The following PTPRN2 variants were observed in gnomAD, a reference collection of about 807,000 sequenced individuals.
PTPRN2 encodes protein tyrosine phosphatase receptor type N2.
Under a neutral mutation model 118.8 loss-of-function variants are expected in PTPRN2, and 74 were observed. The ratio of observed to expected loss-of-function variants is 0.62; its 90% confidence interval spans 0.52 to 0.76. The LOEUF (loss-of-function observed/expected upper bound fraction) is 0.76, where lower values mean the gene tolerates loss of function less well. Ranked by LOEUF, PTPRN2 falls within the 30% of genes least tolerant of loss-of-function variation. The pLI, the probability that PTPRN2 is intolerant of heterozygous loss-of-function variation, is 0.00. For missense variants in PTPRN2, 1,481 were observed against 1,394.4 expected (o/e 1.06, Z -0.99); for synonymous variants, 641 against 608.0 (o/e 1.05, Z -0.80).
intron 11 of PTPRN2, among the ~76,000 whole-genome samples, chr7:158,051,479 A>C (rs976021270): frequency 2.6e-5 from 4 of 152,202 alleles, no homozygotes; most frequent in African/African-American, 9.6e-5. Flanking sequence ...TCCCTGTGTC[A>C]GGTGCACCAA....
Position 158,551,716 on chromosome 7 carries a change from T to G in PTPRN2, c.112+35842A>C, listed in dbSNP as rs1337039250. 2.8e-3 allele frequency among the ~76,000 whole-genome samples: 91 copies of G among 32,264 alleles called. 1 individual carries two copies. The highest frequency in any genetic ancestry group is 3.3e-3 in the Non-Finnish European group (52 of 15,958). 21.2% of individuals were successfully genotyped at this position (32,264 alleles called of 152,430 possible). A position where few individuals can be genotyped will look rare whatever the true frequency, so the allele number is the denominator to read the frequency against. ...CAGGGTGGGGCTCTAACACATGCAT[T>G]TGGGGGGCCCCAGCTCCTAACCCAT... On this transcript the variant is annotated intron_variant, in intron 1 of 22. Transcript: ENST00000389418.
At chr7:157,878,040 C>T (rs551093391) in intron 12 of PTPRN2, among the ~76,000 whole-genome samples, 16 of 152,372 alleles carry the variant, frequency 1.1e-4, no homozygotes, top group South Asian at 1.0e-3. Context: ...GGCGGTGTTC[C>T]GGCTCTCTGA....
At chr7:158,571,477 CA>C (rs1262294681) in intron 1 of PTPRN2, among the ~76,000 whole-genome samples, 2 of 91,028 alleles carry the variant, frequency 2.2e-5, no homozygotes, top group Admixed American at 1.3e-4. Flanking sequence ...GACTCCAACT[CA>C]AAAAAAACAA....
At chr7:158,228,235 T>G (rs1189635734) in intron 3 of PTPRN2, among the ~76,000 whole-genome samples, 1 of 152,084 alleles carries the variant, frequency 6.6e-6, no homozygotes, top group African/African-American at 2.4e-5. Flanking sequence ...TGCAAATAAC[T>G]TATTTATCCC....
At chr7:158,472,616 C>G (rs1819941121) in intron 2 of PTPRN2, among the ~76,000 whole-genome samples, 1 of 152,184 alleles carries the variant, frequency 6.6e-6, no homozygotes, top group Non-Finnish European at 1.5e-5. Flanking sequence ...AAGCTTTGCA[C>G]ACAGACTCAG....
intron 12 of PTPRN2, among the ~76,000 whole-genome samples, chr7:157,686,306 A>G (rs1797190948): frequency 6.6e-6 from 1 of 152,202 alleles, no homozygotes; most frequent in East Asian, 1.9e-4. Flanking sequence ...GGAGGGAAAA[A>G]CTGTTGGCTG....
intron 12 of PTPRN2, chr7:157,864,235 T>C (rs898461387): frequency 3.3e-5 from 5 of 152,112 alleles, no homozygotes; most frequent in Admixed American, 1.3e-4. Context: ...TAAGGCTCAC[T>C]GGGCACCATC....
rs1293389832 is a variant in PTPRN2, at chr7:157,611,971, G to T, written c.2345-7896C>A. ...CGTGCTGAGGAGCGAGGCCTCCAGA[G>T]AAGCCAGCCCTGCTGACACCCTGAC... On this transcript the variant is annotated intron_variant, in intron 15 of 22. Coordinates refer to ENST00000389418, the MANE Select transcript of PTPRN2 (RefSeq NM_002847.5). This position sits in a 1 kb window ranked among gnomAD's most constrained non-coding sequence, Gnocchi z 5.9. 6.6e-6 allele frequency among the ~76,000 whole-genome samples: 1 copy of T among 152,202 alleles called. No individual in the cohort carries two copies. The highest frequency in any genetic ancestry group is 1.5e-5 in the Non-Finnish European group (1 of 68,030).
chr7:157,840,608 C>T (rs1318446409), intron 12 of PTPRN2, among the ~76,000 whole-genome samples: 2 of 152,218 alleles, frequency 1.3e-5, no homozygotes. Context: ...GCCCACAGAG[C>T]AGGCCCCGTG....
At chr7:158,171,294 C>CATACATATATATATAT (rs1412529791) in intron 5 of PTPRN2, among the ~76,000 whole-genome samples, 2 of 62,162 alleles carry the variant, frequency 3.2e-5, no homozygotes, top group African/African-American at 1.5e-4. Flanking sequence ...TATATACACA[C>CATACATATATATATAT]ATATATATAC....
chr7:157,731,844 G>A (rs367708481), intron 12 of PTPRN2, among the ~76,000 whole-genome samples: 3 of 67,364 alleles, frequency 4.5e-5, no homozygotes, highest in Non-Finnish European at 6.1e-5. Context: ...ACCCTTTTCC[G>A]CCCCATGCGC....
intron 11 of PTPRN2, among the ~76,000 whole-genome samples, chr7:158,053,555 C>T (rs1809492646): frequency 2.0e-5 from 3 of 152,218 alleles, no homozygotes; most frequent in Admixed American, 2.0e-4. Context: ...TGGAAAGAAA[C>T]ATTTTCCTGG....
intron 11 of PTPRN2, among the ~76,000 whole-genome samples, chr7:158,024,948 G>A (rs1291804436): frequency 6.6e-6 from 1 of 152,190 alleles, no homozygotes; most frequent in Admixed American, 6.5e-5. Context: ...TGGGGTTTGG[G>A]GCCTGCAGAG....
At chr7:158,101,938 C>T (rs560125301) in intron 10 of PTPRN2, among the ~76,000 whole-genome samples, 7 of 152,294 alleles carry the variant, frequency 4.6e-5, no homozygotes, top group East Asian at 1.9e-4. Context: ...CATCTCTGCC[C>T]GTCACTACGC....
chr7:158,039,038 A>G (rs775521981), intron 11 of PTPRN2, among the ~76,000 whole-genome samples: 6 of 152,214 alleles, frequency 3.9e-5, no homozygotes, highest in Non-Finnish European at 8.8e-5. Context: ...GAGAGGTCTG[A>G]TAACACCTAA....
At chr7:158,392,852 CA>C (rs1470558379) in intron 2 of PTPRN2, among the ~76,000 whole-genome samples, 51 of 152,304 alleles carry the variant, frequency 3.3e-4, no homozygotes, top group Admixed American at 3.2e-3. Context: ...AGGTATGTCT[CA>C]CCCCAGGCAG....
chr7:158,510,592 T>C (rs1470453386), intron 1 of PTPRN2, among the ~76,000 whole-genome samples: 2 of 152,204 alleles, frequency 1.3e-5, no homozygotes, highest in Non-Finnish European at 2.9e-5. Context: ...CCCTCTTCTA[T>C]TCCTAACCCT....
intron 12 of PTPRN2, among the ~76,000 whole-genome samples, chr7:157,734,882 G>T (rs748758929): frequency 1.3e-5 from 2 of 152,230 alleles, no homozygotes; most frequent in African/African-American, 4.8e-5. Context: ...ATGTGCCTGC[G>T]TTTTCCAATA....
intron 11 of PTPRN2, among the ~76,000 whole-genome samples, chr7:157,980,405 G>A (rs973649594): frequency 2.0e-5 from 3 of 152,276 alleles, no homozygotes; most frequent in Middle Eastern, 3.4e-3. Context: ...GCTATTTGTC[G>A]GAGTTGGAAA....
Sources: gnomAD v4.1 joint callset for allele counts (sites outside exome capture counted in the v4.1 genomes callset) on GRCh38, gnomAD v4.1.1 for gene constraint, Gnocchi (gnomAD v3.1) non-coding constraint, MANE v1.5 for transcripts, NCBI Gene and HGNC (gene_info 2026-07-23, HGNC 2026-07-21) for gene names.